The following ACSL4 variants were observed in gnomAD, a reference collection of about 807,000 sequenced individuals.
The protein encoded by ACSL4 is long-chain-fatty-acid--CoA ligase 4.
ACSL4 carries 9 observed loss-of-function variants against 49.1 expected under a neutral mutation model. The ratio of observed to expected loss-of-function variants is 0.18; its 90% confidence interval spans 0.11 to 0.32. ACSL4 has a LOEUF of 0.32. Ranked by LOEUF, ACSL4 falls within the 10% of genes least tolerant of loss-of-function variation. ACSL4 has a pLI of 1.00. For synonymous variants in ACSL4, 191 were observed against 170.3 expected (o/e 1.12, Z -0.95); for missense variants, 333 against 493.7 (o/e 0.67, Z 3.08).
At chrX:109,698,087 C>T (rs972123363) in intron 1 of ACSL4, among the ~76,000 whole-genome samples, 6 of 111,509 alleles carry the variant, frequency 5.4e-5, no homozygotes, top group African/African-American at 2.0e-4. Flanking sequence ...ACCTTCTACT[C>T]GTCTCCATTC....
chrX:109,678,637 C>T (rs1213607113), intron 6 of ACSL4, among the ~76,000 whole-genome samples: 3 of 111,749 alleles, frequency 2.7e-5, no homozygotes, highest in Non-Finnish European at 3.8e-5. Flanking sequence ...CGAGACCAGC[C>T]TGGCCAACAT....
intron 1 of ACSL4, among the ~76,000 whole-genome samples, chrX:109,730,767 C>G (rs1928372028): frequency 8.9e-6 from 1 of 112,325 alleles, no homozygotes; most frequent in African/African-American, 3.2e-5. Flanking sequence ...TCCGGGTTCA[C>G]GCCATTCTTC....
At chrX:109,690,300 G>C (rs992387693) in intron 2 of ACSL4, among the ~76,000 whole-genome samples, 1 of 112,177 alleles carries the variant, frequency 8.9e-6, no homozygotes, top group African/African-American at 3.2e-5. Flanking sequence ...CATGAACTTT[G>C]AGTGGTGCTT....
chrX:109,668,531 T>C (rs1191716333), intron 10 of ACSL4, among the ~76,000 whole-genome samples: 1 of 111,136 alleles, frequency 9.0e-6, no homozygotes, highest in Non-Finnish European at 1.9e-5. Context: ...AAAACAGACA[T>C]CAGAGGTAAA....
chrX:109,645,010 C>T (rs377216353), intron 15 of ACSL4, among the ~76,000 whole-genome samples: 15 of 112,946 alleles, frequency 1.3e-4, no homozygotes, highest in African/African-American at 4.5e-4. Context: ...GCACCTGGCT[C>T]GGAGGGTCCT....
intron 1 of ACSL4, among the ~76,000 whole-genome samples, chrX:109,714,956 A>C (rs947807312): frequency 8.9e-6 from 1 of 112,059 alleles, no homozygotes; most frequent in Non-Finnish European, 1.9e-5. Flanking sequence ...ATTAAGTATA[A>C]AAAAAGCAAG....
chrX:109,641,682 G>T lies in ACSL4; in HGVS notation c.*2347C>A, dbSNP rs759573098. 2.9e-4 allele frequency: 32 copies of T among 111,738 alleles called. No homozygotes were observed. Among genetic ancestry groups the T allele is most frequent in the African/African-American group, 1.0e-3 (31 of 30,791 alleles). The allele number at this position is 111,738 out of a possible 1,213,427, so 9.2% of individuals were successfully genotyped here. A position where few individuals can be genotyped will look rare whatever the true frequency, so the allele number is the denominator to read the frequency against. On this transcript the variant is annotated 3_prime_UTR_variant, in exon 16 of 16. Transcript: ENST00000672401. ...CTGTGACTTTTTGAATCATTTATCT[G>T]TATTTCTGAAATATCACACAATTAT...
At chrX:109,724,807 G>C (rs1291873535) in intron 1 of ACSL4, among the ~76,000 whole-genome samples, 1 of 110,417 alleles carries the variant, frequency 9.1e-6, no homozygotes, top group African/African-American at 3.3e-5. Context: ...AGCTACTCGG[G>C]TGGCTGAGGC....
At chrX:109,652,839 T>C (rs1921261857) in intron 15 of ACSL4, among the ~76,000 whole-genome samples, 1 of 111,310 alleles carries the variant, frequency 9.0e-6, no homozygotes, top group East Asian at 2.8e-4. Context: ...ATAAAATACA[T>C]GTCACACTGT....
intron 1 of ACSL4, among the ~76,000 whole-genome samples, chrX:109,717,934 G>C (rs149273652): frequency 0.011 from 1,271 of 111,108 alleles, 14 homozygotes; most frequent in Middle Eastern, 0.037. Flanking sequence ...TTCCAACATG[G>C]TCCAGGGAAG....
At chrX:109,659,112 C>T (rs375278019) in intron 15 of ACSL4, among the ~76,000 whole-genome samples, 164 of 112,085 alleles carry the variant, frequency 1.5e-3, no homozygotes, top group African/African-American at 5.1e-3. Context: ...CCATTCCAAA[C>T]ACAGGCTAGA....
At chrX:109,652,236 T>G (rs1020480524) in intron 15 of ACSL4, among the ~76,000 whole-genome samples, 1 of 112,266 alleles carries the variant, frequency 8.9e-6, no homozygotes, top group Non-Finnish European at 1.9e-5. Flanking sequence ...TATTTCACAC[T>G]TTTTTGCATA....
chrX:109,699,726 T>C (rs1925726185), intron 1 of ACSL4, among the ~76,000 whole-genome samples: 1 of 111,792 alleles, frequency 8.9e-6, no homozygotes, highest in Non-Finnish European at 1.9e-5. Context: ...TGCATATATT[T>C]TGGGTTTTTT....
At chrX:109,727,632 TAA>T (rs1928104464) in intron 1 of ACSL4, among the ~76,000 whole-genome samples, 1 of 108,249 alleles carries the variant, frequency 9.2e-6, no homozygotes, top group African/African-American at 3.4e-5. Context: ...CCAGAAGGTA[TAA>T]AAAGTCAGGG....
intron 9 of ACSL4, among the ~76,000 whole-genome samples, chrX:109,671,280 C>A (rs1453312888): frequency 9.0e-6 from 1 of 111,093 alleles, no homozygotes; most frequent in African/African-American, 3.3e-5. Context: ...AGCCGCGACC[C>A]CGTCTGGGAA....
intron 9 of ACSL4, among the ~76,000 whole-genome samples, chrX:109,670,457 C>T (rs984378971): frequency 9.2e-6 from 1 of 108,589 alleles, no homozygotes; most frequent in African/African-American, 3.4e-5. Context: ...TGGTGGCAGG[C>T]GCCTATAATC....
chrX:109,644,951 G>A (rs1404318929), intron 15 of ACSL4, among the ~76,000 whole-genome samples: 1 of 113,050 alleles, frequency 8.8e-6, no homozygotes, highest in Non-Finnish European at 1.9e-5. Context: ...CCCAAATACT[G>A]TGCTTTTCCG....
chrX:109,675,860 A>G (rs1025011467), intron 8 of ACSL4, among the ~76,000 whole-genome samples: 5 of 112,331 alleles, frequency 4.5e-5, no homozygotes, highest in African/African-American at 1.3e-4. Flanking sequence ...TCACCAGGTC[A>G]AGTTCTGCTA....
chrX:109,668,761 C>G (rs1922906560), intron 10 of ACSL4, among the ~76,000 whole-genome samples: 1 of 111,125 alleles, frequency 9.0e-6, no homozygotes, highest in Non-Finnish European at 1.9e-5. Flanking sequence ...TGTCTTGATT[C>G]AAAAGTCTAT....
Sources: allele counts gnomAD v4.1 joint callset (sites outside exome capture counted in the v4.1 genomes callset), GRCh38; gene constraint gnomAD v4.1.1; transcripts MANE v1.5; gene names NCBI Gene and HGNC (gene_info 2026-07-23, HGNC 2026-07-21).